Variants in SNAP25 observed in about 807,000 individuals in gnomAD.
The protein encoded by SNAP25 is synaptosomal-associated protein 25.
SNAP25 carries 3 observed loss-of-function variants against 28.7 expected under a neutral mutation model. The ratio of observed to expected loss-of-function variants is 0.10; its 90% CI spans 0.05 to 0.27. The LOEUF (loss-of-function observed/expected upper bound fraction) is 0.27. SNAP25 is among the 10% of genes least tolerant of loss of function. SNAP25 has a pLI of 1.00. For missense variants in SNAP25, 117 were observed against 278.7 expected (o/e 0.42, Z 4.13); for synonymous variants, 61 against 88.1 (o/e 0.69, Z 1.72).
chr20:10,233,250 C>T (rs1600650252), intron 1 of SNAP25, among the ~76,000 whole-genome samples: 1 of 152,002 alleles, frequency 6.6e-6, no homozygotes, highest in Non-Finnish European at 1.5e-5. Flanking sequence ...AAGATTAGAG[C>T]CAAACCAAAG....
chr20:10,306,817 A>G lies in SNAP25; in HGVS notation c.*620A>G, dbSNP rs2064371887. On this transcript the variant is annotated 3_prime_UTR_variant, in exon 8 of 8. Transcript: ENST00000254976. ...CTGATGAGACAACACACACACACAC[A>G]AAACAACAGCAACAACAACAGAACA... The G allele has an allele frequency of 6.5e-6, 1 of 154,750 alleles. No individual in the cohort carries two copies. Among genetic ancestry groups the G allele is most frequent in the South Asian group, 2.0e-4 (1 of 4,916 alleles). 9.6% of individuals were successfully genotyped at this position (154,750 alleles called of 1,614,324 possible).
intron 1 of SNAP25, among the ~76,000 whole-genome samples, chr20:10,246,612 C>G (rs1460740317): frequency 1.3e-5 from 2 of 152,122 alleles, no homozygotes; most frequent in Non-Finnish European, 2.9e-5. Flanking sequence ...TACATGCTTG[C>G]TAAAAAACTC....
intron 7 of SNAP25, among the ~76,000 whole-genome samples, chr20:10,303,853 G>T (rs2064295758): frequency 6.6e-6 from 1 of 152,166 alleles, no homozygotes; most frequent in Non-Finnish European, 1.5e-5. Context: ...AAGCAGTAAA[G>T]AGATCAACCA....
At chr20:10,242,866 C>T (rs1037555505) in intron 1 of SNAP25, among the ~76,000 whole-genome samples, 2 of 152,210 alleles carry the variant, frequency 1.3e-5, no homozygotes, top group Non-Finnish European at 2.9e-5. Context: ...ATTAGGTGCA[C>T]TTAATCAGTA....
chr20:10,256,258 T>A (rs1301942860), intron 1 of SNAP25, among the ~76,000 whole-genome samples: 1 of 152,236 alleles, frequency 6.6e-6, no homozygotes, highest in Non-Finnish European at 1.5e-5. Flanking sequence ...GTCTATCCGC[T>A]ATTACGAAGG....
chr20:10,298,289 ACTT>A (rs1286824936), intron 6 of SNAP25, among the ~76,000 whole-genome samples: 1 of 152,160 alleles, frequency 6.6e-6, no homozygotes, highest in Admixed American at 6.5e-5. Flanking sequence ...ATTTAAATAA[ACTT>A]CTTCCCTACA....
At chr20:10,278,602 T>G (rs1410348510) in intron 3 of SNAP25, among the ~76,000 whole-genome samples, 2 of 152,152 alleles carry the variant, frequency 1.3e-5, no homozygotes, top group Non-Finnish European at 2.9e-5. Context: ...TTGAACTGCT[T>G]ATCAGTATAT....
At chr20:10,302,181 G>A (rs949440820) in intron 7 of SNAP25, among the ~76,000 whole-genome samples, 3 of 152,012 alleles carry the variant, frequency 2.0e-5, no homozygotes, top group East Asian at 1.9e-4. Flanking sequence ...AGCTATGATC[G>A]TGCCACTGCA....
chr20:10,233,848 G>A (rs1182803382), intron 1 of SNAP25, among the ~76,000 whole-genome samples: 1 of 152,106 alleles, frequency 6.6e-6, no homozygotes, highest in African/African-American at 2.4e-5. Context: ...CCTGCGTGTA[G>A]CTTTTTGTGT....
chr20:10,305,645 T>C (rs1377534210), intron 7 of SNAP25, among the ~76,000 whole-genome samples: 1 of 152,186 alleles, frequency 6.6e-6, no homozygotes, highest in Non-Finnish European at 1.5e-5. Context: ...AGCAATATTT[T>C]TTATCATCCA....
intron 1 of SNAP25, among the ~76,000 whole-genome samples, chr20:10,249,540 T>A (rs2063188755): frequency 6.6e-6 from 1 of 152,148 alleles, no homozygotes; most frequent in Non-Finnish European, 1.5e-5. Context: ...AACCCTCCTG[T>A]GATGGCAGAG....
At chr20:10,268,717 A>C (rs2063545951) in intron 1 of SNAP25, among the ~76,000 whole-genome samples, 1 of 152,172 alleles carries the variant, frequency 6.6e-6, no homozygotes, top group African/African-American at 2.4e-5. Flanking sequence ...TGTGGAGTCC[A>C]TTTGCTCCTC....
At chr20:10,241,887 G>A (rs1488769588) in intron 1 of SNAP25, among the ~76,000 whole-genome samples, 2 of 152,142 alleles carry the variant, frequency 1.3e-5, no homozygotes, top group African/African-American at 2.4e-5. Context: ...ATTGTAACAC[G>A]GAGATTGATA....
Position 10,293,353 on chromosome 20 carries a change from CA to C in SNAP25, c.281+77del. The stretch of plus-strand genomic sequence containing the variant: ...CAAGCCTTGACAAGCTCATTCCTGC[CA>C]AGCTCATAGGCAGGATGAGCATGTG... On this transcript the variant is annotated intron_variant, in intron 5 of 7. Transcript: ENST00000254976. This position sits in a 1 kb window ranked among gnomAD's most constrained non-coding sequence, Gnocchi z 5.6. 1 of 1,132,946 alleles carries C rather than the reference CA, an allele frequency of 8.8e-7. No individual in the cohort carries two copies. Among genetic ancestry groups the C allele is most frequent in the Non-Finnish European group, 1.3e-6 (1 of 746,580 alleles). 70.2% of individuals were successfully genotyped at this position (1,132,946 alleles called of 1,614,324 possible).
At chr20:10,236,213 C>A (rs369427784) in intron 1 of SNAP25, among the ~76,000 whole-genome samples, 153 of 152,062 alleles carry the variant, frequency 1.0e-3, no homozygotes, top group Non-Finnish European at 1.7e-3. Context: ...GACCTTGGAG[C>A]CCTCAAGTTT....
At chr20:10,229,387 A>G (rs762961025) in intron 1 of SNAP25, among the ~76,000 whole-genome samples, 3 of 152,058 alleles carry the variant, frequency 2.0e-5, no homozygotes, top group African/African-American at 4.8e-5. Context: ...CTTGAATACA[A>G]AATTCCTACA....
At chr20:10,277,242 G>T (rs1479142904) in intron 2 of SNAP25, among the ~76,000 whole-genome samples, 1 of 152,042 alleles carries the variant, frequency 6.6e-6, no homozygotes, top group Non-Finnish European at 1.5e-5. Context: ...TTCCAATTGT[G>T]TTTCTAGGAG....
chr20:10,242,005 G>A (rs938161583), intron 1 of SNAP25, among the ~76,000 whole-genome samples: 2 of 152,164 alleles, frequency 1.3e-5, no homozygotes, highest in African/African-American at 4.8e-5. Context: ...CAGGGAGGCA[G>A]CATTCCTTAC....
At chr20:10,264,293 A>G (rs574290887) in intron 1 of SNAP25, among the ~76,000 whole-genome samples, 1 of 152,188 alleles carries the variant, frequency 6.6e-6, no homozygotes, top group Admixed American at 6.5e-5. Flanking sequence ...CCAGATCAAG[A>G]CTGTGCCTAT....
Sources: allele counts gnomAD v4.1 joint callset (sites outside exome capture counted in the v4.1 genomes callset), GRCh38; gene constraint gnomAD v4.1.1; non-coding constraint Gnocchi (gnomAD v3.1); transcripts MANE v1.5; gene names NCBI Gene and HGNC (gene_info 2026-07-23, HGNC 2026-07-21).